MPP7: variants seen among roughly 807,000 people sequenced by gnomAD.
MPP7 encodes the protein MAGUK p55 subfamily member 7.
Under a neutral mutation model 76.5 loss-of-function variants are expected in MPP7, and 60 were observed. That is an observed-to-expected ratio of 0.78 (90% CI 0.64 to 0.97). MPP7 has a LOEUF of 0.97. MPP7 is among the 50% of genes least tolerant of loss of function. MPP7 has a pLI of 0.00. For synonymous variants in MPP7, 237 were observed against 244.5 expected, an observed-to-expected ratio of 0.97 and a Z score of 0.29; for missense variants, 641 against 694.0, an observed-to-expected ratio of 0.92 and a Z score of 0.86.
At chr10:28,067,885 C>T (rs746386800) in intron 13 of MPP7, among the ~76,000 whole-genome samples, 7 of 152,050 alleles carry the variant, frequency 4.6e-5, no homozygotes, top group African/African-American at 1.2e-4. Context: ...AACTTGGTTT[C>T]GAATCCAAGT....
intron 10 of MPP7, among the ~76,000 whole-genome samples, 194 bp downstream of exon 10, chr10:28,120,000 T>C (rs1834781162): frequency 6.6e-6 from 1 of 152,110 alleles, no homozygotes. Context: ...AAATCTAATA[T>C]GACCCAGTAC....
Position 28,101,848 on chromosome 10 carries a change from C to A in MPP7, c.953-12007G>T, listed in dbSNP as rs1393289540. 2.0e-5 allele frequency among the ~76,000 whole-genome samples: 3 copies of A among 151,728 alleles called. No homozygotes were observed. In the East Asian group the frequency reaches 5.8e-4, roughly 29 times the overall value. ...TTTTTAATGCTGATGGTTCGACCAT[C>A]GAGAAGCAATTATACTTTGGAAGCA... On this transcript the variant is annotated intron_variant, in intron 11 of 16. Coordinates refer to ENST00000683449, the MANE Select transcript of MPP7 (RefSeq NM_001318170.2).
At chr10:28,099,431 G>T (rs1465181535) in intron 11 of MPP7, among the ~76,000 whole-genome samples, 1 of 152,140 alleles carries the variant, frequency 6.6e-6, no homozygotes, top group Non-Finnish European at 1.5e-5. Context: ...TTTTATATGT[G>T]TTGATAGCAT....
At chr10:28,273,440 A>G (rs1840391237) in intron 1 of MPP7, among the ~76,000 whole-genome samples, 1 of 152,254 alleles carries the variant, frequency 6.6e-6, no homozygotes, top group African/African-American at 2.4e-5. Context: ...AAGATTTCCT[A>G]GGTGTCCTCT....
chr10:28,254,617 G>A (rs772523536), intron 1 of MPP7, among the ~76,000 whole-genome samples: 63 of 152,154 alleles, frequency 4.1e-4, no homozygotes, highest in African/African-American at 1.2e-3. Context: ...AATTATCTTC[G>A]GTGTAAGTTT....
intron 11 of MPP7, among the ~76,000 whole-genome samples, chr10:28,091,426 T>C (rs1439646382): frequency 1.3e-5 from 2 of 152,032 alleles, no homozygotes; most frequent in African/African-American, 4.8e-5. Context: ...TAGCTGGGAT[T>C]ACAGGCGCAT....
intron 8 of MPP7, among the ~76,000 whole-genome samples, chr10:28,121,503 G>A (rs1834838500): frequency 6.6e-6 from 1 of 151,950 alleles, no homozygotes. Flanking sequence ...TGAAAAGACT[G>A]AGTATCTATT....
At chr10:28,298,046 C>CTATTTCCA (rs555178851) in intron 1 of MPP7, among the ~76,000 whole-genome samples, 30 of 152,342 alleles carry the variant, frequency 2.0e-4, no homozygotes, top group African/African-American at 7.2e-4. Flanking sequence ...TCTCAGTATA[C>CTATTTCCA]TATTTCCACC....
intron 1 of MPP7, among the ~76,000 whole-genome samples, chr10:28,280,691 C>A (rs1840643389): frequency 6.6e-6 from 1 of 152,082 alleles, no homozygotes; most frequent in Non-Finnish European, 1.5e-5. Context: ...TTCCCAGAAT[C>A]TAGACTCCTA....
At chr10:28,065,272 A>G (rs767473482) in intron 13 of MPP7, among the ~76,000 whole-genome samples, 1 of 152,170 alleles carries the variant, frequency 6.6e-6, no homozygotes, top group Non-Finnish European at 1.5e-5. Context: ...GGGTTAAAAT[A>G]CTTTTAGAAC....
At chr10:28,069,131 A>T (rs781513657) in intron 13 of MPP7, among the ~76,000 whole-genome samples, 2 of 152,232 alleles carry the variant, frequency 1.3e-5, no homozygotes, top group Admixed American at 6.5e-5. Context: ...GAAAATAGTT[A>T]CAAAGAATGA....
rs532915267 is a variant in MPP7, at chr10:28,110,744, C to A, written c.952+8907G>T. Among the ~76,000 whole-genome samples, 5 of 152,236 alleles carry A rather than the reference C, an allele frequency of 3.3e-5. No individual in the cohort carries two copies. In the South Asian group the frequency reaches 1.0e-3, roughly 32 times the overall value. On this transcript the variant is annotated intron_variant, in intron 11 of 16. Coordinates refer to ENST00000683449, the MANE Select transcript of MPP7 (RefSeq NM_001318170.2). ...TTAGGCCTCTTTCTTGTGGAACTAG[C>A]AGCATAGACTGCACAGAAATAAATT...
At chr10:28,110,388 C>A (rs1287691331) in intron 11 of MPP7, among the ~76,000 whole-genome samples, 16 of 152,158 alleles carry the variant, frequency 1.1e-4, no homozygotes, top group Admixed American at 9.8e-4. Context: ...CTACGCCCGA[C>A]CTATATTTTT....
intron 3 of MPP7, among the ~76,000 whole-genome samples, chr10:28,176,820 T>C (rs900487912): frequency 5.3e-5 from 7 of 132,140 alleles, no homozygotes; most frequent in Admixed American, 3.8e-4. Context: ...AGGTGGGAAT[T>C]GAACAATGAG....
intron 2 of MPP7, among the ~76,000 whole-genome samples, chr10:28,314,277 C>G (rs1841306785): frequency 6.6e-6 from 1 of 152,192 alleles, no homozygotes; most frequent in African/African-American, 2.4e-5. Context: ...CATAGCCTCT[C>G]AGAGTTCACA....
intron 12 of MPP7, among the ~76,000 whole-genome samples, chr10:28,076,216 T>C (rs1240055613): frequency 6.6e-6 from 1 of 152,130 alleles, no homozygotes; most frequent in Non-Finnish European, 1.5e-5. Context: ...AGAGCTGCCA[T>C]GTAACAGAGA....
At chr10:28,290,471 ATTTTG>A (rs1233193011) in intron 1 of MPP7, among the ~76,000 whole-genome samples, 4 of 151,802 alleles carry the variant, frequency 2.6e-5, no homozygotes, top group Admixed American at 6.6e-5. Context: ...TTTTAATCAG[ATTTTG>A]TTTTGTTTTG....
chr10:28,058,740 C>A lies in MPP7; in HGVS notation c.1299-137G>T. On this transcript the variant is annotated intron_variant, in intron 14 of 16. Coordinates refer to ENST00000683449, the MANE Select transcript of MPP7 (RefSeq NM_001318170.2). ...CTGTGTTTAATAATATAAACAGAGC[C>A]AAGTATTTCAAAATGTCAGTTTTTA... The A allele has an allele frequency of 7.0e-6, 3 of 427,382 alleles. No individual in the cohort carries two copies. The East Asian group carries it at 1.1e-4, about 15-fold the overall frequency. 26.5% of individuals were successfully genotyped at this position (427,382 alleles called of 1,614,324 possible).
chr10:28,227,983 T>C (rs921548967), intron 2 of MPP7, among the ~76,000 whole-genome samples: 2 of 152,204 alleles, frequency 1.3e-5, no homozygotes, highest in Non-Finnish European at 2.9e-5. Context: ...CCAGCATCTG[T>C]TGTTTCTTGA....
Sources: gnomAD v4.1 joint callset for allele counts (sites outside exome capture counted in the v4.1 genomes callset) on GRCh38, gnomAD v4.1.1 for gene constraint, MANE v1.5 for transcripts, NCBI Gene and HGNC (gene_info 2026-07-23, HGNC 2026-07-21) for gene names.